The following SYN3 variants were observed in gnomAD, a reference collection of about 807,000 sequenced individuals.
SYN3 encodes the protein synapsin-3.
Under a neutral mutation model 65.8 loss-of-function variants are expected in SYN3, and 35 were observed. The ratio of observed to expected loss-of-function variants is 0.53; its 90% CI spans 0.41 to 0.70. The LOEUF is 0.70. SYN3 is among the 30% of genes least tolerant of loss of function. The probability of loss-of-function intolerance (pLI) is 0.00; values close to 1 mark genes in which losing one functional copy is unlikely to be tolerated. For missense variants in SYN3, 680 were observed against 749.0 expected (o/e 0.91, Z 1.08); for synonymous variants, 270 against 292.9 (o/e 0.92, Z 0.80).
intron 6 of SYN3, among the ~76,000 whole-genome samples, chr22:32,825,039 T>C (rs2047361436): frequency 6.6e-6 from 1 of 152,068 alleles, no homozygotes; most frequent in Admixed American, 6.6e-5. Context: ...AATCGCAGGC[T>C]GGGTCCAATG....
intron 6 of SYN3, among the ~76,000 whole-genome samples, chr22:32,683,779 T>A (rs2060554768): frequency 6.6e-6 from 1 of 152,236 alleles, no homozygotes. Flanking sequence ...TCCTTGCAGA[T>A]GTCATTGTCC....
At chr22:32,742,679 C>T (rs1299367371) in intron 6 of SYN3, among the ~76,000 whole-genome samples, 1 of 152,198 alleles carries the variant, frequency 6.6e-6, no homozygotes, top group Non-Finnish European at 1.5e-5. Flanking sequence ...TTAGCTCTGC[C>T]TGAGTCCAAA....
chr22:32,854,630 G>A (rs1369697600), intron 6 of SYN3, among the ~76,000 whole-genome samples: 2 of 152,186 alleles, frequency 1.3e-5, no homozygotes, highest in African/African-American at 4.8e-5. Context: ...ACAGCAGCAC[G>A]CTTAAACATG....
At chr22:32,514,830 C>T (rs1229081096) in intron 13 of SYN3, among the ~76,000 whole-genome samples, 2 of 152,164 alleles carry the variant, frequency 1.3e-5, no homozygotes, top group Non-Finnish European at 2.9e-5. Flanking sequence ...TCCTGGCTAA[C>T]ACGGTGAAAC....
At chr22:32,660,780 A>G (rs1472746250) in intron 6 of SYN3, among the ~76,000 whole-genome samples, 1 of 152,210 alleles carries the variant, frequency 6.6e-6, no homozygotes, top group Admixed American at 6.5e-5. Context: ...AGTCTGGCCC[A>G]GAGCAAGGAT....
At chr22:32,904,694 T>C (rs2049854667) in intron 4 of SYN3, among the ~76,000 whole-genome samples, 1 of 152,168 alleles carries the variant, frequency 6.6e-6, no homozygotes, top group Non-Finnish European at 1.5e-5. Flanking sequence ...ATAAAGCATT[T>C]GAACAAGTAA....
chr22:32,616,498 T>G (rs964590214), intron 6 of SYN3, among the ~76,000 whole-genome samples: 8 of 152,168 alleles, frequency 5.3e-5, no homozygotes, highest in Non-Finnish European at 1.2e-4. Context: ...CACAGGGCAC[T>G]GAATCCACAC....
At chr22:32,833,513 T>A (rs1173302710) in intron 6 of SYN3, among the ~76,000 whole-genome samples, 1 of 152,176 alleles carries the variant, frequency 6.6e-6, no homozygotes, top group Admixed American at 6.5e-5. Context: ...GGGATGGGAC[T>A]GTAGAAGAAA....
chr22:32,721,683 A>G lies in SYN3; in HGVS notation c.712-124947T>C, dbSNP rs371863907. Among the ~76,000 whole-genome samples the G allele has an allele frequency of 5.9e-5, 9 of 152,372 alleles. No individual in the cohort carries two copies. In the East Asian group the frequency reaches 1.2e-3, roughly 20 times the overall value. On this transcript the variant is annotated intron_variant, in intron 6 of 13. Coordinates refer to ENST00000358763, the MANE Select transcript of SYN3 (RefSeq NM_003490.4). Reference sequence around the variant, plus strand: ...CCCACTGGTGGTACAGTGTAAATATAGCTGTGAAAACATGCACTTTTCTCA... The same window carrying G: ...CCCACTGGTGGTACAGTGTAAATATGGCTGTGAAAACATGCACTTTTCTCA...
chr22:32,586,119 T>C (rs919925848), intron 7 of SYN3, among the ~76,000 whole-genome samples: 2 of 150,594 alleles, frequency 1.3e-5, no homozygotes, highest in South Asian at 2.1e-4. Context: ...TATATGTATA[T>C]ATGTATATGT....
At chr22:32,544,595 A>G (rs893792291) in intron 7 of SYN3, among the ~76,000 whole-genome samples, 3 of 152,164 alleles carry the variant, frequency 2.0e-5, no homozygotes, top group African/African-American at 7.2e-5. Flanking sequence ...TTTGGGAAAT[A>G]TGATTTCTGT....
intron 6 of SYN3, among the ~76,000 whole-genome samples, chr22:32,755,438 T>C (rs2045260693): frequency 6.6e-6 from 1 of 152,162 alleles, no homozygotes; most frequent in Admixed American, 6.5e-5. Flanking sequence ...CTAATTCTGG[T>C]CCAAGGGGCT....
At chr22:32,994,482 A>G (rs971413769) in intron 2 of SYN3, among the ~76,000 whole-genome samples, 1 of 152,052 alleles carries the variant, frequency 6.6e-6, no homozygotes, top group Admixed American at 6.6e-5. Flanking sequence ...CCCTCCAGCC[A>G]TCCCAGAAAC....
chr22:32,856,938 G>A (rs888637184), intron 6 of SYN3, among the ~76,000 whole-genome samples: 1 of 152,112 alleles, frequency 6.6e-6, no homozygotes, highest in Non-Finnish European at 1.5e-5. Context: ...GGCTTATTCC[G>A]CTTAGCAAAA....
intron 6 of SYN3, among the ~76,000 whole-genome samples, chr22:32,713,312 G>C (rs1294422810): frequency 1.3e-5 from 2 of 152,198 alleles, no homozygotes; most frequent in Non-Finnish European, 2.9e-5. Context: ...AGGCTTTGTA[G>C]AAACTGTTTT....
chr22:33,002,011 A>G (rs1354477420), intron 2 of SYN3, among the ~76,000 whole-genome samples: 1 of 152,216 alleles, frequency 6.6e-6, no homozygotes, highest in African/African-American at 2.4e-5. Flanking sequence ...AGAAAACTTC[A>G]AGGGCCATGC....
At chr22:32,754,334 T>A (rs2145675076) in intron 6 of SYN3, among the ~76,000 whole-genome samples, 1 of 152,284 alleles carries the variant, frequency 6.6e-6, no homozygotes, top group Non-Finnish European at 1.5e-5. Flanking sequence ...GTATTTTTAG[T>A]AGAGACGGGG....
intron 3 of SYN3, among the ~76,000 whole-genome samples, chr22:32,943,225 C>T (rs1274822844): frequency 3.3e-5 from 5 of 152,106 alleles, no homozygotes; most frequent in Non-Finnish European, 7.4e-5. Context: ...AAAGGGAAGC[C>T]CATCAGACTA....
chr22:32,776,840 A>T (rs1247667124), intron 6 of SYN3, among the ~76,000 whole-genome samples: 1 of 152,220 alleles, frequency 6.6e-6, no homozygotes, highest in East Asian at 1.9e-4. Context: ...GGCCATGGCA[A>T]GGCTACCCTG....
Sources: gnomAD v4.1 joint callset for allele counts (sites outside exome capture counted in the v4.1 genomes callset) on GRCh38, gnomAD v4.1.1 for gene constraint, MANE v1.5 for transcripts, NCBI Gene and HGNC (gene_info 2026-07-23, HGNC 2026-07-21) for gene names.